The following SMARCA2 variants were observed in gnomAD, a reference collection of about 807,000 sequenced individuals.
SMARCA2 encodes the protein SWI/SNF-related matrix-associated actin-dependent regulator of chromatin subfamily A member 2.
A neutral mutation model predicts 199.8 loss-of-function variants in SMARCA2; 61 were observed. That is an observed-to-expected ratio of 0.31 (90% CI 0.25 to 0.38). The LOEUF is 0.38. Among genes scored for constraint, SMARCA2 ranks in the 10% least tolerant of loss-of-function variants. SMARCA2 has a pLI of 1.00. For missense variants in SMARCA2, 1,344 were observed against 2,012.2 expected (o/e 0.67, Z 6.35); for synonymous variants, 935 against 732.0 (o/e 1.28, Z -4.48).
chr9:2,178,503 C>G (rs533057185), intron 29 of SMARCA2, among the ~76,000 whole-genome samples: 4 of 152,078 alleles, frequency 2.6e-5, no homozygotes, highest in African/African-American at 4.8e-5. Context: ...TCAACAGAAA[C>G]AGAACACCTT....
intron 24 of SMARCA2, among the ~76,000 whole-genome samples, chr9:2,113,851 C>G (rs555635145): frequency 1.9e-4 from 29 of 152,344 alleles, no homozygotes; most frequent in African/African-American, 6.5e-4. Flanking sequence ...CAATCTACTA[C>G]TCGCGGGCTC....
intron 6 of SMARCA2, chr9:2,055,671 C>G (rs540313447): frequency 6.6e-6 from 1 of 152,112 alleles, no homozygotes; most frequent in African/African-American, 2.4e-5. Flanking sequence ...CACAGATGGA[C>G]ATTAGTGGTG....
intron 3 of SMARCA2, among the ~76,000 whole-genome samples, chr9:2,037,511 C>T (rs186279532): frequency 1.2e-3 from 177 of 152,294 alleles, no homozygotes; most frequent in African/African-American, 3.9e-3. Context: ...AAATCTGCCT[C>T]CCTCTCCAAA....
intron 21 of SMARCA2, 62 bp from the exon 22 acceptor site, chr9:2,101,508 G>C: frequency 1.2e-6 from 1 of 860,366 alleles, no homozygotes; most frequent in Non-Finnish European, 1.8e-6. Flanking sequence ...CACTAAAAGA[G>C]TAATCATTAA....
rs748421639 is a variant in SMARCA2, at chr9:2,123,904, C to T, written c.3948C>T (p.Tyr1316=). 6 of 1,585,852 alleles carry T rather than the reference C, an allele frequency of 3.8e-6. No individual in the cohort carries two copies. In the South Asian group the frequency reaches 6.9e-5, roughly 18 times the overall value. ...RGSRQRRDVD[Y]SDALTEKQWL... ...CCCGCCAGCGCCGTGACGTGGACTA[C>T]AGTGACGCCCTCACGGAGAAGCAGT... is the stretch of plus-strand genomic sequence containing the variant. The change falls in exon 27 of 34, where the codon TAC becomes TAT. Residue 1316 remains tyrosine, a synonymous_variant. Coordinates refer to ENST00000349721, the MANE Select transcript of SMARCA2 (RefSeq NM_003070.5). This position sits in a 1 kb window ranked among gnomAD's most constrained non-coding sequence, Gnocchi z 4.1.
chr9:2,155,332 G>C (rs1479565000), intron 27 of SMARCA2, among the ~76,000 whole-genome samples: 2 of 151,938 alleles, frequency 1.3e-5, no homozygotes, highest in African/African-American at 4.8e-5. Flanking sequence ...GCCCAGGCTG[G>C]AGTGCAGTGG....
chr9:2,142,844 G>A (rs1824530502), intron 27 of SMARCA2, among the ~76,000 whole-genome samples: 1 of 152,080 alleles, frequency 6.6e-6, no homozygotes, highest in African/African-American at 2.4e-5. Flanking sequence ...TCCCTAGCAA[G>A]CTCTGTCATC....
intron 27 of SMARCA2, among the ~76,000 whole-genome samples, chr9:2,139,439 C>T (rs974515794): frequency 1.3e-5 from 2 of 152,098 alleles, no homozygotes; most frequent in African/African-American, 4.8e-5. Flanking sequence ...CAAGACTGGT[C>T]GAGTCACCAA....
intron 12 of SMARCA2, 93 bp from the exon 13 acceptor site, chr9:2,076,136 T>A: frequency 1.4e-6 from 1 of 731,954 alleles, no homozygotes. Context: ...ATTTGTGAAG[T>A]TCAATACTAG....
At chr9:2,015,478 C>G (rs1421806173) in intron 1 of SMARCA2, 74 bp downstream of exon 1, 1 of 152,812 alleles carries the variant, frequency 6.5e-6, no homozygotes, top group Non-Finnish European at 1.5e-5. Context: ...CCGCTCAGAC[C>G]CCTCCGGCAC....
intron 27 of SMARCA2, among the ~76,000 whole-genome samples, chr9:2,145,032 G>A (rs1390183577): frequency 1.3e-5 from 2 of 152,202 alleles, no homozygotes; most frequent in Non-Finnish European, 2.9e-5. Flanking sequence ...GGTTATGGTG[G>A]CTCATGCCTG....
intron 31 of SMARCA2, among the ~76,000 whole-genome samples, chr9:2,182,792 G>A (rs1827145312): frequency 7.7e-6 from 1 of 130,652 alleles, no homozygotes; most frequent in Admixed American, 8.4e-5. Context: ...ACCACACCCG[G>A]CCTCAAAGCA....
rs561265398 is a variant in SMARCA2, at chr9:2,157,567, C to A, written c.3982-4119C>A. ...GTTAGTGTTTGAGTACTGACTTTTC[C>A]CGTTGCACATGGAAGAAATTTCCAT... is the stretch of plus-strand genomic sequence containing the variant. On this transcript the variant is annotated intron_variant, in intron 27 of 33. Coordinates refer to ENST00000349721, the MANE Select transcript of SMARCA2 (RefSeq NM_003070.5). 18 of 244,560 alleles carry A rather than the reference C, an allele frequency of 7.4e-5. No homozygotes were observed. The South Asian group carries it at 3.2e-3, about 44-fold the overall frequency. 15.1% of individuals were successfully genotyped at this position (244,560 alleles called of 1,614,324 possible). A position where few individuals can be genotyped will look rare whatever the true frequency, so the allele number is the denominator to read the frequency against.
chr9:2,026,822 C>G (rs1818852183), intron 1 of SMARCA2, among the ~76,000 whole-genome samples: 1 of 152,136 alleles, frequency 6.6e-6, no homozygotes, highest in Non-Finnish European at 1.5e-5. Flanking sequence ...CTGACTGAAC[C>G]TGTGTGAGGT....
chr9:2,163,085 T>G (rs569972355), intron 28 of SMARCA2: 1 of 152,306 alleles, frequency 6.6e-6, no homozygotes, highest in East Asian at 1.9e-4. Flanking sequence ...GAAGGAAAAA[T>G]TATTATAAAA....
chr9:2,163,009 T>A (rs1825761745), intron 28 of SMARCA2: 1 of 152,248 alleles, frequency 6.6e-6, no homozygotes, highest in African/African-American at 2.4e-5. Context: ...CTGTAAGTGT[T>A]TAACATGAAT....
chr9:2,073,455 TA>T (rs1821175995), intron 11 of SMARCA2, 110 bp from the exon 12 acceptor site: 1 of 1,497,950 alleles, frequency 6.7e-7, no homozygotes, highest in Non-Finnish European at 9.2e-7. Context: ...TTGAAGTTGT[TA>T]CTTGGATTTG....
At chr9:2,155,423 C>G (rs1381625531) in intron 27 of SMARCA2, among the ~76,000 whole-genome samples, 2 of 152,062 alleles carry the variant, frequency 1.3e-5, no homozygotes, top group Admixed American at 1.3e-4. Flanking sequence ...GCTGGGACTA[C>G]AGGCACGTGC....
intron 8 of SMARCA2, 77 bp from the exon 9 acceptor site, chr9:2,060,739 A>G: frequency 1.4e-6 from 2 of 1,380,824 alleles, no homozygotes; most frequent in Non-Finnish European, 2.0e-6. Flanking sequence ...CAGACTGTCA[A>G]GGGGAGGACA....
Sources: gnomAD v4.1 joint callset for allele counts (sites outside exome capture counted in the v4.1 genomes callset) on GRCh38, gnomAD v4.1.1 for gene constraint, Gnocchi (gnomAD v3.1) non-coding constraint, MANE v1.5 for transcripts, NCBI Gene and HGNC (gene_info 2026-07-23, HGNC 2026-07-21) for gene names.